Variants in C6orf89 observed in about 807,000 individuals in gnomAD.
C6orf89 encodes the protein chromosome 6 open reading frame 89.
C6orf89 carries 29 observed loss-of-function variants against 40.7 expected under a neutral mutation model. The observed-to-expected ratio is 0.71, with a 90% confidence interval of 0.53 to 0.97. The LOEUF (loss-of-function observed/expected upper bound fraction) is 0.97. C6orf89 is among the 50% of genes least tolerant of loss of function. The pLI, the probability that C6orf89 is intolerant of heterozygous loss-of-function variation, is 0.00. For missense variants in C6orf89, 392 were observed against 429.1 expected, an observed-to-expected ratio of 0.91 and a Z score of 0.76; for synonymous variants, 165 against 152.2, an observed-to-expected ratio of 1.08 and a Z score of -0.62.
At chr6:36,909,250 T>C (rs141942175) in intron 4 of C6orf89, among the ~76,000 whole-genome samples, 3 of 151,528 alleles carry the variant, frequency 2.0e-5, no homozygotes, top group African/African-American at 7.3e-5. Context: ...TTTATATAGA[T>C]ATACTTTTTT....
rs1561882944 is a variant in C6orf89 at position 36,926,594 on chromosome 6, A to AG, written c.*3156dup. 3 of 45,162 alleles carry AG rather than the reference A, an allele frequency of 6.6e-5. No individual in the cohort carries two copies. The Admixed American group carries it at 7.5e-4, about 11-fold the overall frequency. 2.8% of individuals were successfully genotyped at this position (45,162 alleles called of 1,614,324 possible). A position where few individuals can be genotyped will look rare whatever the true frequency, so the allele number is the denominator to read the frequency against. On this transcript the variant is annotated 3_prime_UTR_variant, in exon 9 of 9. Transcript: ENST00000480824. Reference sequence around the variant, plus strand: ...GAAAAGAAGAGGGGAGGGGAGGGAAAGGGAAGGGAGGGGAGGGGAGGAGAG... The same window carrying AG: ...GAAAAGAAGAGGGGAGGGGAGGGAAAGGGGAAGGGAGGGGAGGGGAGGAGAG...
intron 4 of C6orf89, among the ~76,000 whole-genome samples, chr6:36,911,936 C>G (rs12203354): frequency 7.1e-6 from 1 of 141,086 alleles, no homozygotes; most frequent in Admixed American, 7.1e-5. Context: ...GTGAACCCCC[C>G]CCCCCCGACC....
chr6:36,898,747 A>G (rs1761545979), intron 2 of C6orf89, among the ~76,000 whole-genome samples: 1 of 152,194 alleles, frequency 6.6e-6, no homozygotes, highest in Non-Finnish European at 1.5e-5. Flanking sequence ...TATTTTAAGT[A>G]TATAAAATAC....
intron 1 of C6orf89, among the ~76,000 whole-genome samples, chr6:36,893,218 G>A (rs1484412353): frequency 6.6e-6 from 1 of 152,006 alleles, no homozygotes; most frequent in Non-Finnish European, 1.5e-5. Context: ...ACAGGCGTGA[G>A]CCACCGCGCC....
At chr6:36,908,014 C>T (rs1370901145) in intron 4 of C6orf89, among the ~76,000 whole-genome samples, 2 of 152,186 alleles carry the variant, frequency 1.3e-5, no homozygotes, top group Admixed American at 6.5e-5. Context: ...AGTCTGGCCA[C>T]ATCTCTTTCT....
At chr6:36,894,143 C>T (rs1245317954) in intron 1 of C6orf89, among the ~76,000 whole-genome samples, 2 of 152,050 alleles carry the variant, frequency 1.3e-5, no homozygotes, top group Non-Finnish European at 2.9e-5. Flanking sequence ...GTACTTTTGT[C>T]CCCTTCAGGA....
At position 36,927,858 on chromosome 6, in the gene C6orf89, A is replaced by C. The variant is rs1762735934; in HGVS notation, c.*4417A>C. On this transcript the variant is annotated 3_prime_UTR_variant, in exon 9 of 9. Coordinates refer to ENST00000480824, the MANE Select transcript of C6orf89 (RefSeq NM_001286635.2). ...TGTCCTCCCCACCCCCAGTCTCCAC[A>C]TCCCCAGCAGCCTCTTCCAGAAGCA... The C allele has an allele frequency of 6.6e-6, 1 of 152,440 alleles. No individual in the cohort carries two copies. The highest frequency in any genetic ancestry group is 1.9e-4 in the East Asian group (1 of 5,184). The allele number at this position is 152,440 out of a possible 1,614,324, so 9.4% of individuals were successfully genotyped here. A position where few individuals can be genotyped will look rare whatever the true frequency, so the allele number is the denominator to read the frequency against.
chr6:36,898,237 C>G (rs1242401232), intron 2 of C6orf89, among the ~76,000 whole-genome samples: 1 of 148,836 alleles, frequency 6.7e-6, no homozygotes, highest in African/African-American at 2.5e-5. Context: ...TGTGTGCCAC[C>G]AGGCCAAGCT....
intron 4 of C6orf89, 139 bp downstream of exon 4, chr6:36,902,573 T>G: frequency 1.8e-5 from 13 of 730,720 alleles, no homozygotes; most frequent in Middle Eastern, 3.5e-4. Context: ...ACTAAAACTC[T>G]ATGAGATGGG....
chr6:36,873,842 A>G (rs1004464462), intron 1 of C6orf89, among the ~76,000 whole-genome samples: 1 of 152,206 alleles, frequency 6.6e-6, no homozygotes, highest in African/African-American at 2.4e-5. Context: ...CAGGTAGACA[A>G]GGGCCAGATG....
chr6:36,907,321 G>C (rs1761965380), intron 4 of C6orf89, among the ~76,000 whole-genome samples: 8 of 148,134 alleles, frequency 5.4e-5, no homozygotes, highest in Admixed American at 5.3e-4. Context: ...TTTTTGCCAG[G>C]TAAATAATCT....
chr6:36,881,588 C>T (rs745515927), upstream of C6orf89, among the ~76,000 whole-genome samples: 13 of 152,148 alleles, frequency 8.5e-5, no homozygotes, highest in South Asian at 2.1e-4. Context: ...GCAGGAGAAT[C>T]GCTTGAACCT....
chr6:36,878,328 C>T (rs1774714730), intron 1 of C6orf89, among the ~76,000 whole-genome samples: 1 of 152,152 alleles, frequency 6.6e-6, no homozygotes, highest in African/African-American at 2.4e-5. Context: ...TTAGTCTGAA[C>T]CCAGTAGTAT....
rs1399103302 is a variant in C6orf89, at chr6:36,927,999, G to C, written c.*4558G>C. On this transcript the variant is annotated 3_prime_UTR_variant, in exon 9 of 9. Transcript: ENST00000480824. Reference sequence around the variant, plus strand: ...AGAGAAACCCTCAGCCAGCTTGTCTGTTGTCCAGGTCCCTCAGTGTCTCTG... The same window carrying C: ...AGAGAAACCCTCAGCCAGCTTGTCTCTTGTCCAGGTCCCTCAGTGTCTCTG... The C allele has an allele frequency of 6.6e-6, 1 of 152,276 alleles. No individual in the cohort carries two copies. Among genetic ancestry groups the C allele is most frequent in the Non-Finnish European group, 1.5e-5 (1 of 68,076 alleles). The allele number at this position is 152,276 out of a possible 1,614,324, so 9.4% of individuals were successfully genotyped here. A position where few individuals can be genotyped will look rare whatever the true frequency, so the allele number is the denominator to read the frequency against.
At chr6:36,881,117 C>G (rs865832767), upstream of C6orf89, among the ~76,000 whole-genome samples, 11 of 152,256 alleles carry the variant, frequency 7.2e-5, no homozygotes, top group Middle Eastern at 3.4e-3. Context: ...GGGCTCCACA[C>G]CTAGTACATA....
chr6:36,888,443 C>T (rs1462359820), intron 1 of C6orf89, among the ~76,000 whole-genome samples: 1 of 152,056 alleles, frequency 6.6e-6, no homozygotes, highest in African/African-American at 2.4e-5. Context: ...ACCAGCCTGG[C>T]CAACATGGTG....
At chr6:36,886,162 C>T in intron 1 of C6orf89, 134 bp downstream of exon 1, 1 of 820,042 alleles carries the variant, frequency 1.2e-6, no homozygotes. Context: ...GATCCCTTTT[C>T]TCAGTCTCTC....
upstream of C6orf89, among the ~76,000 whole-genome samples, chr6:36,883,640 G>T (rs1198385029): frequency 6.6e-6 from 1 of 152,176 alleles, no homozygotes; most frequent in Admixed American, 6.5e-5. Context: ...AACTTTAGTG[G>T]TACATACATT....
At chr6:36,896,925 C>T (rs1452390678) in intron 2 of C6orf89, among the ~76,000 whole-genome samples, 4 of 151,626 alleles carry the variant, frequency 2.6e-5, no homozygotes, top group Non-Finnish European at 4.4e-5. Flanking sequence ...GTCAGGAGTT[C>T]GAGACCAGCC....
Sources: gnomAD v4.1 joint callset for allele counts (sites outside exome capture counted in the v4.1 genomes callset) on GRCh38, gnomAD v4.1.1 for gene constraint, MANE v1.5 for transcripts, NCBI Gene and HGNC (gene_info 2026-07-23, HGNC 2026-07-21) for gene names.